The following CFAP95 variants were observed in gnomAD, a reference collection of about 807,000 sequenced individuals.
CFAP95 encodes the protein cilia- and flagella-associated protein 95.
the CFAP95 span, among the ~76,000 whole-genome samples, chr9:69,845,440 C>A: frequency 6.6e-6 from 1 of 152,160 alleles, no homozygotes; most frequent in Non-Finnish European, 1.5e-5. Flanking sequence ...GTTTGTGTCA[C>A]ATTCTGCCCC....
the CFAP95 span, among the ~76,000 whole-genome samples, chr9:69,828,436 T>C: frequency 7.9e-5 from 12 of 152,244 alleles, no homozygotes; most frequent in Non-Finnish European, 1.5e-4. Flanking sequence ...ATCCCAACAC[T>C]TTGGGAAGCC....
chr9:69,847,070 G>T, the CFAP95 span, among the ~76,000 whole-genome samples: 366 of 152,232 alleles, frequency 2.4e-3, 2 homozygotes, highest in African/African-American at 8.1e-3. Flanking sequence ...AATGTGAGAG[G>T]TCATGCCTGA....
the CFAP95 span, among the ~76,000 whole-genome samples, chr9:69,833,046 C>T: frequency 6.6e-6 from 1 of 152,100 alleles, no homozygotes; most frequent in Non-Finnish European, 1.5e-5. Flanking sequence ...ATACAAATCA[C>T]CCTTTTAAAG....
At chr9:69,821,068 G>A in the CFAP95 span, 5 of 1,602,830 alleles carry the variant, frequency 3.1e-6, no homozygotes, top group African/African-American at 6.7e-5. Flanking sequence ...CGGGTGCTGC[G>A]GGGAGGAAAG....
At chr9:69,888,456 A>G in the CFAP95 span, among the ~76,000 whole-genome samples, 1 of 152,198 alleles carries the variant, frequency 6.6e-6, no homozygotes, top group Non-Finnish European at 1.5e-5. Flanking sequence ...GGCAGTTTAC[A>G]AAGTAGGAAA....
At chr9:69,903,798 C>T in the CFAP95 span, among the ~76,000 whole-genome samples, 1 of 152,084 alleles carries the variant, frequency 6.6e-6, no homozygotes, top group Non-Finnish European at 1.5e-5. Flanking sequence ...ATGATCATGG[C>T]TCACTGCAAT....
At chr9:69,831,891 A>G in the CFAP95 span, among the ~76,000 whole-genome samples, 1 of 152,180 alleles carries the variant, frequency 6.6e-6, no homozygotes, top group African/African-American at 2.4e-5. Flanking sequence ...TTAGTCCTGG[A>G]GGTGACCATA....
At chr9:69,822,358 C>G in the CFAP95 span, among the ~76,000 whole-genome samples, 1 of 152,210 alleles carries the variant, frequency 6.6e-6, no homozygotes, top group African/African-American at 2.4e-5. Context: ...AAAGCCTATT[C>G]CCTGCTTTCC....
the CFAP95 span, among the ~76,000 whole-genome samples, chr9:69,897,379 G>T: frequency 6.6e-6 from 1 of 152,120 alleles, no homozygotes; most frequent in Non-Finnish European, 1.5e-5. Flanking sequence ...GACTAATTTG[G>T]CCAGGAAACA....
the CFAP95 span, among the ~76,000 whole-genome samples, chr9:69,855,402 C>T: frequency 0.028 from 4,224 of 152,288 alleles, 85 homozygotes; most frequent in Middle Eastern, 0.041. Flanking sequence ...TTTGGTCAAT[C>T]TTATACCTTC....
the CFAP95 span, among the ~76,000 whole-genome samples, chr9:69,879,099 C>T: frequency 3.3e-5 from 5 of 152,194 alleles, no homozygotes; most frequent in Non-Finnish European, 7.3e-5. Context: ...TTGGGAATTA[C>T]AATTCAACAT....
the CFAP95 span, among the ~76,000 whole-genome samples, chr9:69,835,577 G>A: frequency 5.3e-5 from 8 of 152,160 alleles, no homozygotes; most frequent in Non-Finnish European, 8.8e-5. Context: ...TTTGAAAGCC[G>A]TTGCTTTCAG....
chr9:69,823,573 C>G, the CFAP95 span, among the ~76,000 whole-genome samples: 1 of 152,136 alleles, frequency 6.6e-6, no homozygotes, highest in Non-Finnish European at 1.5e-5. Flanking sequence ...ATGTAAAACA[C>G]CCTTTAACAC....
the CFAP95 span, among the ~76,000 whole-genome samples, chr9:69,864,715 C>G: frequency 6.6e-6 from 1 of 152,112 alleles, no homozygotes; most frequent in African/African-American, 2.4e-5. Flanking sequence ...TAAATTCTTC[C>G]CTTTTATTCC....
the CFAP95 span, among the ~76,000 whole-genome samples, chr9:69,846,280 C>A: frequency 6.6e-6 from 1 of 151,978 alleles, no homozygotes; most frequent in Non-Finnish European, 1.5e-5. Context: ...ACATTCCCTC[C>A]CCAATATTAT....
the CFAP95 span, among the ~76,000 whole-genome samples, chr9:69,862,189 G>A: frequency 6.6e-6 from 1 of 152,148 alleles, no homozygotes; most frequent in Non-Finnish European, 1.5e-5. Context: ...TAATAGAAGA[G>A]GATTTGGCTA....
At chr9:69,868,805 GAA>G in the CFAP95 span, among the ~76,000 whole-genome samples, 89 of 139,568 alleles carry the variant, frequency 6.4e-4, no homozygotes, top group Non-Finnish European at 9.7e-4. Context: ...CAACTTATTA[GAA>G]AAAAAAAAAA....
At chr9:69,866,319 G>A in the CFAP95 span, among the ~76,000 whole-genome samples, 1 of 152,196 alleles carries the variant, frequency 6.6e-6, no homozygotes, top group Admixed American at 6.5e-5. Context: ...TAAGCTGGAG[G>A]GCTGAGAAAG....
the CFAP95 span, among the ~76,000 whole-genome samples, chr9:69,824,064 G>A: frequency 6.6e-6 from 1 of 152,194 alleles, no homozygotes. Context: ...CATGGCCATT[G>A]ACCTCAAGGA....
Sources: allele counts gnomAD v4.1 joint callset (sites outside exome capture counted in the v4.1 genomes callset), GRCh38; gene constraint gnomAD v4.1.1; transcripts MANE v1.5; gene names NCBI Gene and HGNC (gene_info 2026-07-23, HGNC 2026-07-21).